PTPRT: variants seen among roughly 807,000 people sequenced by gnomAD.
The protein encoded by PTPRT is protein tyrosine phosphatase receptor type T, also known as receptor-type tyrosine-protein phosphatase T.
In PTPRT, 56 loss-of-function variants were observed where a neutral mutation model predicts 176.8. That is an observed-to-expected ratio of 0.32 (90% confidence interval 0.26 to 0.40). The LOEUF is 0.40. Ranked by LOEUF, PTPRT falls within the 10% of genes least tolerant of loss-of-function variation. The pLI is 1.00. For missense variants in PTPRT, 1,540 were observed against 1,908.2 expected (o/e 0.81, Z 3.60); for synonymous variants, 783 against 739.0 (o/e 1.06, Z -0.96).
At chr20:42,459,528 C>T (rs6124461) in intron 8 of PTPRT, among the ~76,000 whole-genome samples, 3 of 152,088 alleles carry the variant, frequency 2.0e-5, no homozygotes, top group Admixed American at 1.3e-4. Flanking sequence ...TGGTTTGGAC[C>T]TAAGGGGTAG....
rs1601089229 is a variant in PTPRT, at chr20:42,472,640, G to C, written c.1154-78C>G. The C allele has an allele frequency of 2.1e-6, 3 of 1,420,724 alleles. No individual in the cohort carries two copies. The East Asian group carries it at 7.0e-5, about 33-fold the overall frequency. The allele number at this position is 1,420,724 out of a possible 1,614,324, so 88.0% of individuals were successfully genotyped here. A position where few individuals can be genotyped will look rare whatever the true frequency, so the allele number is the denominator to read the frequency against. The stretch of plus-strand genomic sequence containing the variant: ...TGGGGTACATGTTCTGCTACAACAG[G>C]GAACACAGCTTTTCCAAACATATCT... On this transcript the variant is annotated intron_variant, in intron 7 of 30. Coordinates refer to ENST00000373187, the MANE Select transcript of PTPRT (RefSeq NM_007050.6).
chr20:42,101,553 G>T (rs1046106990), intron 26 of PTPRT, among the ~76,000 whole-genome samples: 1 of 152,186 alleles, frequency 6.6e-6, no homozygotes, highest in Admixed American at 6.5e-5. Flanking sequence ...AAAGTGGGGG[G>T]CAGTGGCCCT....
intron 1 of PTPRT, among the ~76,000 whole-genome samples, chr20:43,140,507 C>T (rs967784530): frequency 8.9e-5 from 13 of 146,664 alleles, no homozygotes; most frequent in Admixed American, 4.1e-4. Context: ...CATACATGCA[C>T]GTGTGTGTAA....
chr20:42,729,572 T>A (rs144294929), intron 6 of PTPRT, among the ~76,000 whole-genome samples: 73 of 152,092 alleles, frequency 4.8e-4, no homozygotes, highest in Admixed American at 2.9e-3. Flanking sequence ...ACTCTCACAA[T>A]CTCCTTCTCC....
At chr20:42,511,244 C>T (rs1601161351) in intron 7 of PTPRT, among the ~76,000 whole-genome samples, 1 of 152,238 alleles carries the variant, frequency 6.6e-6, no homozygotes, top group East Asian at 1.9e-4. Context: ...TTATAAATCA[C>T]CCAGTTTCAG....
intron 8 of PTPRT, among the ~76,000 whole-genome samples, 188 bp from the exon 9 acceptor site, chr20:42,448,517 A>G (rs1407430168): frequency 6.6e-6 from 1 of 152,202 alleles, no homozygotes. Flanking sequence ...ATGACTATAG[A>G]TAATCCATAA....
At chr20:42,175,388 T>A (rs1990249362) in intron 16 of PTPRT, among the ~76,000 whole-genome samples, 1 of 152,086 alleles carries the variant, frequency 6.6e-6, no homozygotes, top group African/African-American at 2.4e-5. Flanking sequence ...CCTGGAGTGT[T>A]TATAACTTTT....
chr20:42,508,466 C>A (rs1287050806), intron 7 of PTPRT, among the ~76,000 whole-genome samples: 1 of 152,014 alleles, frequency 6.6e-6, no homozygotes, highest in African/African-American at 2.4e-5. Flanking sequence ...GAGCACTATT[C>A]TTTATAAAGT....
intron 13 of PTPRT, among the ~76,000 whole-genome samples, chr20:42,271,691 T>C (rs1487025813): frequency 1.3e-5 from 2 of 152,224 alleles, no homozygotes; most frequent in Admixed American, 6.5e-5. Context: ...ATTCAAACCC[T>C]GGTTTGTCTG....
chr20:42,314,406 G>C (rs919433692), intron 12 of PTPRT, among the ~76,000 whole-genome samples: 1 of 151,852 alleles, frequency 6.6e-6, no homozygotes, highest in African/African-American at 2.4e-5. Context: ...GTGGGCACCT[G>C]TAGTCCCAGC....
chr20:42,104,306 A>T (rs2146252643), intron 25 of PTPRT, among the ~76,000 whole-genome samples: 1 of 152,160 alleles, frequency 6.6e-6, no homozygotes, highest in Non-Finnish European at 1.5e-5. Context: ...CTATCTCTAT[A>T]AAAAGTAAAA....
chr20:42,778,577 T>A (rs533354183), intron 4 of PTPRT, among the ~76,000 whole-genome samples: 53 of 152,260 alleles, frequency 3.5e-4, no homozygotes, highest in South Asian at 4.1e-4. Flanking sequence ...ACAGAAGGCA[T>A]GTTTCAGAGA....
At chr20:43,063,062 C>A (rs1055456789) in intron 1 of PTPRT, among the ~76,000 whole-genome samples, 1 of 151,860 alleles carries the variant, frequency 6.6e-6, no homozygotes, top group Non-Finnish European at 1.5e-5. Flanking sequence ...TCTATTTAGG[C>A]TTATAAATAA....
intron 9 of PTPRT, among the ~76,000 whole-genome samples, chr20:42,376,478 T>C (rs1277023981): frequency 6.6e-6 from 1 of 152,190 alleles, no homozygotes. Flanking sequence ...GACAGTCCAG[T>C]TGCCTTTCTG....
chr20:42,833,260 C>A lies in PTPRT; in HGVS notation c.215-41794G>T, dbSNP rs533305118. On this transcript the variant is annotated intron_variant, in intron 2 of 30. Coordinates refer to ENST00000373187, the MANE Select transcript of PTPRT (RefSeq NM_007050.6). ...AAAGTCATTATGAAACCTCAAAACA[C>A]TGAAATTAAAAGAAAAAAAAAAAAA... is the stretch of plus-strand genomic sequence containing the variant. Among the ~76,000 whole-genome samples the A allele has an allele frequency of 4.1e-5, 6 of 146,904 alleles. No homozygotes were observed. In the South Asian group the frequency reaches 8.9e-4, roughly 22 times the overall value.
intron 1 of PTPRT, among the ~76,000 whole-genome samples, chr20:43,113,879 T>C (rs956449911): frequency 1.3e-5 from 2 of 152,238 alleles, no homozygotes; most frequent in Admixed American, 6.5e-5. Context: ...CATTTGTGTA[T>C]AGAATTTCTA....
chr20:42,155,084 G>C (rs1464064489), intron 17 of PTPRT, among the ~76,000 whole-genome samples: 4 of 152,172 alleles, frequency 2.6e-5, no homozygotes, highest in Non-Finnish European at 5.9e-5. Context: ...ACATCAACCG[G>C]AGGGCTTAGA....
chr20:42,176,793 G>A (rs1555796504), intron 16 of PTPRT, among the ~76,000 whole-genome samples: 2 of 152,198 alleles, frequency 1.3e-5, no homozygotes, highest in Non-Finnish European at 2.9e-5. Context: ...TTTTGTTGAT[G>A]TGCAAGAAAG....
At chr20:42,221,208 T>C (rs553368843) in intron 15 of PTPRT, among the ~76,000 whole-genome samples, 1 of 152,298 alleles carries the variant, frequency 6.6e-6, no homozygotes, top group Admixed American at 6.5e-5. Context: ...TTCGCCATGT[T>C]GGCCAGGGTG....
Sources: allele counts gnomAD v4.1 joint callset (sites outside exome capture counted in the v4.1 genomes callset), GRCh38; gene constraint gnomAD v4.1.1; transcripts MANE v1.5; gene names NCBI Gene and HGNC (gene_info 2026-07-23, HGNC 2026-07-21).